MMP16: variants seen among roughly 807,000 people sequenced by gnomAD.
MMP16 encodes the protein matrix metalloproteinase-16.
MMP16 carries 12 observed loss-of-function variants against 67.8 expected under a neutral mutation model. The ratio of observed to expected loss-of-function variants is 0.18; its 90% CI spans 0.11 to 0.29. The LOEUF (loss-of-function observed/expected upper bound fraction) is 0.29. MMP16 is among the 10% of genes least tolerant of loss of function. The pLI is 1.00. For missense variants in MMP16, 475 were observed against 765.7 expected (o/e 0.62, Z 4.48); for synonymous variants, 249 against 255.9 (o/e 0.97, Z 0.26).
chr8:88,153,049 C>T (rs1184922096), intron 4 of MMP16, among the ~76,000 whole-genome samples: 2 of 127,338 alleles, frequency 1.6e-5, no homozygotes, highest in African/African-American at 5.9e-5. Flanking sequence ...ACAAAAATCA[C>T]AAGCATTCTT....
intron 4 of MMP16, among the ~76,000 whole-genome samples, chr8:88,143,992 A>G (rs1249947861): frequency 6.6e-6 from 1 of 151,910 alleles, no homozygotes; most frequent in Non-Finnish European, 1.5e-5. Flanking sequence ...TTAGATAAAA[A>G]CCATTAATCC....
intron 1 of MMP16, among the ~76,000 whole-genome samples, chr8:88,291,155 C>T (rs1810920188): frequency 6.6e-6 from 1 of 151,930 alleles, no homozygotes; most frequent in South Asian, 2.1e-4. Flanking sequence ...ATGGTGGATG[C>T]TTGTAGTCCC....
At chr8:88,318,691 C>A (rs182564439) in intron 1 of MMP16, among the ~76,000 whole-genome samples, 11 of 152,248 alleles carry the variant, frequency 7.2e-5, no homozygotes, top group Non-Finnish European at 8.8e-5. Flanking sequence ...GCAGATCCAA[C>A]ACTGTGTAAC....
chr8:88,261,278 T>C (rs914619524), intron 1 of MMP16, among the ~76,000 whole-genome samples: 5 of 152,114 alleles, frequency 3.3e-5, no homozygotes, highest in East Asian at 1.9e-4. Context: ...ATTTCATTTA[T>C]TGAGATTATA....
chr8:88,064,503 T>C (rs1452087525), intron 7 of MMP16, among the ~76,000 whole-genome samples: 1 of 152,142 alleles, frequency 6.6e-6, no homozygotes, highest in African/African-American at 2.4e-5. Flanking sequence ...GTCATGAATC[T>C]GAGCTTTCCT....
intron 1 of MMP16, among the ~76,000 whole-genome samples, chr8:88,206,480 G>C (rs939277): frequency 2.2e-4 from 33 of 152,088 alleles, no homozygotes; most frequent in Admixed American, 9.8e-4. Context: ...CATGTCTAAA[G>C]GATCCCAGTC....
At chr8:88,082,129 G>T (rs1265630631) in intron 6 of MMP16, among the ~76,000 whole-genome samples, 1 of 151,842 alleles carries the variant, frequency 6.6e-6, no homozygotes, top group Non-Finnish European at 1.5e-5. Context: ...ACCAGTAAAA[G>T]ACGTGAACAG....
chr8:88,084,288 T>C (rs756118516), intron 6 of MMP16, among the ~76,000 whole-genome samples: 3 of 152,070 alleles, frequency 2.0e-5, no homozygotes, highest in South Asian at 2.1e-4. Context: ...TACAATCACG[T>C]AGAAGCAAAA....
intron 1 of MMP16, among the ~76,000 whole-genome samples, chr8:88,303,176 T>C (rs944257628): frequency 6.6e-6 from 1 of 152,140 alleles, no homozygotes; most frequent in African/African-American, 2.4e-5. Flanking sequence ...CAAAGCTACA[T>C]ACACCCGGGG....
At chr8:88,113,920 G>C (rs1383961956) in intron 6 of MMP16, among the ~76,000 whole-genome samples, 6 of 151,952 alleles carry the variant, frequency 3.9e-5, no homozygotes, top group Non-Finnish European at 5.9e-5. Context: ...TCAAAATATA[G>C]TTGAAAGTCT....
intron 6 of MMP16, among the ~76,000 whole-genome samples, chr8:88,105,453 CTAT>C (rs1359265071): frequency 6.6e-6 from 1 of 151,416 alleles, no homozygotes; most frequent in Non-Finnish European, 1.5e-5. Flanking sequence ...GCTATTCATA[CTAT>C]CTACAGTTTC....
At chr8:88,220,451 G>A (rs561281147) in intron 1 of MMP16, among the ~76,000 whole-genome samples, 49 of 152,010 alleles carry the variant, frequency 3.2e-4, no homozygotes, top group Non-Finnish European at 5.6e-4. Flanking sequence ...CAGTATCACT[G>A]ACCATGTTCC....
intron 4 of MMP16, among the ~76,000 whole-genome samples, chr8:88,154,908 A>G (rs922684706): frequency 1.3e-5 from 2 of 151,840 alleles, no homozygotes; most frequent in African/African-American, 4.8e-5. Context: ...CGTGTATTAT[A>G]TATCTATTCT....
intron 1 of MMP16, among the ~76,000 whole-genome samples, chr8:88,313,530 TTACTG>T (rs1438150880): frequency 6.6e-6 from 1 of 152,206 alleles, no homozygotes; most frequent in East Asian, 1.9e-4. Context: ...ATGCTGTGCC[TTACTG>T]TAGTTTTCTT....
At chr8:88,097,470 A>G (rs1225133595) in intron 6 of MMP16, among the ~76,000 whole-genome samples, 1 of 151,612 alleles carries the variant, frequency 6.6e-6, no homozygotes, top group Non-Finnish European at 1.5e-5. Context: ...TACAAAAAAT[A>G]CAAAAATTAG....
chr8:88,161,202 T>A (rs1808615485), intron 4 of MMP16, among the ~76,000 whole-genome samples: 1 of 152,190 alleles, frequency 6.6e-6, no homozygotes, highest in Non-Finnish European at 1.5e-5. Flanking sequence ...TGGTAGGCTA[T>A]TAATTATTGT....
chr8:88,302,768 A>G (rs1015374704), intron 1 of MMP16, among the ~76,000 whole-genome samples: 1 of 152,336 alleles, frequency 6.6e-6, no homozygotes, highest in Middle Eastern at 3.4e-3. Flanking sequence ...ACACTCACAG[A>G]GAAGAATGAA....
At chr8:88,059,976 A>G (rs1380685442) in intron 7 of MMP16, among the ~76,000 whole-genome samples, 1 of 150,198 alleles carries the variant, frequency 6.7e-6, no homozygotes, top group Non-Finnish European at 1.5e-5. Context: ...AAAGAGAATG[A>G]GAAGAGATAA....
chr8:88,132,894 G>T (rs1481515606), intron 4 of MMP16, among the ~76,000 whole-genome samples: 1 of 151,824 alleles, frequency 6.6e-6, no homozygotes, highest in East Asian at 1.9e-4. Context: ...TGTACTAGGT[G>T]TTTGCACTCA....
Sources: allele counts gnomAD v4.1 joint callset (sites outside exome capture counted in the v4.1 genomes callset), GRCh38; gene constraint gnomAD v4.1.1; transcripts MANE v1.5; gene names NCBI Gene and HGNC (gene_info 2026-07-23, HGNC 2026-07-21).